TMC1: variants seen among roughly 807,000 people sequenced by gnomAD.
TMC1 encodes transmembrane channel like 1.
In TMC1, 84 loss-of-function variants were observed where a neutral mutation model predicts 105.8. The ratio of observed to expected loss-of-function variants is 0.79; its 90% CI spans 0.67 to 0.95. TMC1 has a LOEUF of 0.95. Among genes scored for constraint, TMC1 ranks in the 40% least tolerant of loss-of-function variants. The pLI, the probability that TMC1 is intolerant of heterozygous loss-of-function variation, is 0.00. For synonymous variants in TMC1, 315 were observed against 311.5 expected (o/e 1.01, Z -0.12); for missense variants, 817 against 914.1 (o/e 0.89, Z 1.37).
chr9:72,570,984 C>T (rs1464214235), intron 1 of TMC1, among the ~76,000 whole-genome samples: 6 of 138,716 alleles, frequency 4.3e-5, no homozygotes, highest in East Asian at 2.2e-4. Context: ...CCACCGCACC[C>T]GACCAAATCT....
chr9:72,807,868 A>G lies in TMC1; in HGVS notation c.1695+2358A>G, dbSNP rs201056113. Among the ~76,000 whole-genome samples the G allele has an allele frequency of 2.0e-5, 3 of 152,142 alleles. No individual in the cohort carries two copies. In the East Asian group the frequency reaches 5.8e-4, roughly 29 times the overall value. ...CAGGGGCGGCTTCTTTTCCTGAAAC[A>G]ATGGCTCAGGTCTCTCAGAACCACA... On this transcript the variant is annotated intron_variant, in intron 18 of 23. Transcript: ENST00000297784.
intron 5 of TMC1, among the ~76,000 whole-genome samples, chr9:72,654,831 G>T: frequency 1.3e-5 from 2 of 148,946 alleles, no homozygotes; most frequent in Non-Finnish European, 1.5e-5. Context: ...ATTTCTATCT[G>T]GTATACTTTT....
intron 20 of TMC1, among the ~76,000 whole-genome samples, chr9:72,824,259 C>T (rs1231669055): frequency 6.6e-6 from 1 of 152,234 alleles, no homozygotes; most frequent in Non-Finnish European, 1.5e-5. Context: ...TCCTGAGTTC[C>T]ACCATCCTCA....
intron 1 of TMC1, among the ~76,000 whole-genome samples, chr9:72,532,810 G>A (rs115896110): frequency 1.7e-3 from 261 of 152,312 alleles, no homozygotes; most frequent in African/African-American, 5.9e-3. Flanking sequence ...TGCAGATGTA[G>A]TCTTGTTAGA....
At chr9:72,811,957 T>C (rs950084759) in intron 18 of TMC1, among the ~76,000 whole-genome samples, 1 of 152,216 alleles carries the variant, frequency 6.6e-6, no homozygotes, top group Non-Finnish European at 1.5e-5. Flanking sequence ...TTGTTCCTAC[T>C]TTACAGTAAA....
chr9:72,708,635 T>C (rs1826784634), intron 8 of TMC1, among the ~76,000 whole-genome samples: 1 of 152,190 alleles, frequency 6.6e-6, no homozygotes, highest in African/African-American at 2.4e-5. Flanking sequence ...GAAACTTTGC[T>C]GAATTCATTT....
chr9:72,675,227 T>TG (rs1398326612), intron 5 of TMC1, among the ~76,000 whole-genome samples: 3 of 152,158 alleles, frequency 2.0e-5, no homozygotes, highest in African/African-American at 7.2e-5. Flanking sequence ...CTATTCTAGC[T>TG]GGGTATGAGC....
chr9:72,623,984 G>A (rs1825300949), intron 3 of TMC1, among the ~76,000 whole-genome samples: 1 of 152,126 alleles, frequency 6.6e-6, no homozygotes, highest in African/African-American at 2.4e-5. Flanking sequence ...GGAAGAAAAG[G>A]TAAATCCATA....
intron 23 of TMC1, among the ~76,000 whole-genome samples, chr9:72,834,648 C>T (rs1249247668): frequency 6.6e-6 from 1 of 152,154 alleles, no homozygotes; most frequent in Non-Finnish European, 1.5e-5. Flanking sequence ...TACAAATGCT[C>T]ACTTAGCCCC....
chr9:72,650,648 C>T (rs1396200639), intron 5 of TMC1, among the ~76,000 whole-genome samples: 4 of 151,728 alleles, frequency 2.6e-5, no homozygotes, highest in African/African-American at 9.7e-5. Flanking sequence ...TCCTCCCCTC[C>T]CTCATTCTAT....
chr9:72,765,093 T>C (rs571121944), intron 12 of TMC1, among the ~76,000 whole-genome samples: 1 of 152,350 alleles, frequency 6.6e-6, no homozygotes, highest in East Asian at 1.9e-4. Context: ...TCATTATTAA[T>C]GGAAATCGAA....
At chr9:72,664,431 G>T (rs1826011879) in intron 5 of TMC1, among the ~76,000 whole-genome samples, 1 of 152,168 alleles carries the variant, frequency 6.6e-6, no homozygotes, top group African/African-American at 2.4e-5. Context: ...TCCTAAATGG[G>T]AATAGGCATT....
intron 3 of TMC1, among the ~76,000 whole-genome samples, chr9:72,626,884 A>G (rs1825356575): frequency 6.6e-6 from 1 of 152,144 alleles, no homozygotes; most frequent in African/African-American, 2.4e-5. Flanking sequence ...TTTTTCTACA[A>G]TTTAATAATG....
chr9:72,640,465 G>A lies in TMC1; in HGVS notation c.-52-8132G>A, dbSNP rs190823819. On this transcript the variant is annotated intron_variant, in intron 4 of 23. Transcript: ENST00000297784. ...AATGACAGTAAGCTTTCCAAGTATG[G>A]GGACATGCACTTAAGATAGGTATAG... Among the ~76,000 whole-genome samples, 6 of 152,156 alleles carry A rather than the reference G, an allele frequency of 3.9e-5. No homozygotes were observed. The East Asian group carries it at 9.7e-4, about 25-fold the overall frequency.
rs148748830 is a variant in TMC1, at chr9:72,706,415, G to C, written c.362+5772G>C. On this transcript the variant is annotated intron_variant, in intron 8 of 23. Coordinates refer to ENST00000297784, the MANE Select transcript of TMC1 (RefSeq NM_138691.3). ...TTTTATATTTCCATAAGTTTTTGGG[G>C]AACAGGTGGTATTTGGTTAAATGAG... Among the ~76,000 whole-genome samples, 750 of 152,222 alleles carry C rather than the reference G, an allele frequency of 4.9e-3. 6 individuals carry two copies. The highest frequency in any genetic ancestry group is 0.017 in the African/African-American group (723 of 41,516).
chr9:72,690,466 C>T (rs1164293258), intron 6 of TMC1, among the ~76,000 whole-genome samples: 1 of 151,968 alleles, frequency 6.6e-6, no homozygotes, highest in Non-Finnish European at 1.5e-5. Flanking sequence ...TCTTTAGTGT[C>T]CTCTCTTTTC....
chr9:72,771,971 G>A (rs1023778281), intron 12 of TMC1, among the ~76,000 whole-genome samples: 3 of 152,146 alleles, frequency 2.0e-5, no homozygotes, highest in African/African-American at 7.2e-5. Flanking sequence ...AACCTCTGTG[G>A]TTTAAGAAGA....
intron 2 of TMC1, among the ~76,000 whole-genome samples, chr9:72,602,366 A>ATTTTTTTTT (rs66682329): frequency 1.2e-5 from 1 of 86,552 alleles, no homozygotes; most frequent in Non-Finnish European, 2.1e-5. Flanking sequence ...CCTATTGGTG[A>ATTTTTTTTT]TTTTTTTTTT....
intron 1 of TMC1, among the ~76,000 whole-genome samples, chr9:72,522,219 G>C (rs959988624): frequency 8.0e-5 from 12 of 150,144 alleles, no homozygotes; most frequent in African/African-American, 3.0e-4. Flanking sequence ...GCGCGATCTC[G>C]GCTCCCCAAG....
Sources: allele counts gnomAD v4.1 joint callset (sites outside exome capture counted in the v4.1 genomes callset), GRCh38; gene constraint gnomAD v4.1.1; transcripts MANE v1.5; gene names NCBI Gene and HGNC (gene_info 2026-07-23, HGNC 2026-07-21).